ELAVL4: variants seen among roughly 807,000 people sequenced by gnomAD.
The protein encoded by ELAVL4 is ELAV-like protein 4.
In ELAVL4, 1 loss-of-function variant was observed where a neutral mutation model predicts 35.6. That is an observed-to-expected ratio of 0.03 (90% CI 0.01 to 0.13). The LOEUF is 0.13. ELAVL4 is among the 10% of genes least tolerant of loss of function. The probability of loss-of-function intolerance (pLI) is 1.00; values close to 1 mark genes in which losing one functional copy is unlikely to be tolerated. For missense variants in ELAVL4, 267 were observed against 464.9 expected, an observed-to-expected ratio of 0.57 and a Z score of 3.91; for synonymous variants, 156 against 171.0, an observed-to-expected ratio of 0.91 and a Z score of 0.69.
chr1:50,149,196 A>G (rs896871179), intron 2 of ELAVL4, among the ~76,000 whole-genome samples: 16 of 151,990 alleles, frequency 1.1e-4, no homozygotes, highest in African/African-American at 3.4e-4. Flanking sequence ...TCAGGAGTTT[A>G]AGACCAGCCT....
intron 1 of ELAVL4, among the ~76,000 whole-genome samples, chr1:50,061,870 C>T (rs1166583540): frequency 1.3e-5 from 2 of 152,132 alleles, no homozygotes; most frequent in Non-Finnish European, 2.9e-5. Flanking sequence ...CTTTCTTCAC[C>T]CTCCTCGCCC....
intron 1 of ELAVL4, among the ~76,000 whole-genome samples, chr1:50,082,003 A>G (rs1320978705): frequency 1.3e-5 from 2 of 152,202 alleles, no homozygotes; most frequent in East Asian, 3.8e-4. Flanking sequence ...TGCAAAGGAC[A>G]TGAACTCGTC....
intron 2 of ELAVL4, among the ~76,000 whole-genome samples, chr1:50,176,291 C>A (rs772110924): frequency 6.6e-6 from 1 of 152,186 alleles, no homozygotes. Flanking sequence ...CCAGTAGAAA[C>A]CCCCTCTCCT....
chr1:50,170,622 G>A (rs1490346984), intron 2 of ELAVL4, among the ~76,000 whole-genome samples: 1 of 152,188 alleles, frequency 6.6e-6, no homozygotes, highest in Non-Finnish European at 1.5e-5. Context: ...TGAGGATTTT[G>A]TGGAAGTACA....
intron 2 of ELAVL4, among the ~76,000 whole-genome samples, chr1:50,167,376 G>A (rs1367530982): frequency 4.6e-5 from 7 of 152,336 alleles, no homozygotes; most frequent in Middle Eastern, 6.8e-3. Flanking sequence ...AAGGCATTCC[G>A]TGAATCCATG....
intron 1 of ELAVL4, among the ~76,000 whole-genome samples, chr1:50,137,706 T>C (rs1672120082): frequency 6.6e-6 from 1 of 152,216 alleles, no homozygotes; most frequent in Admixed American, 6.5e-5. Flanking sequence ...AATAAATATT[T>C]ATTTGATTAG....
chr1:50,109,016 C>CGGGGCGG lies in ELAVL4; in HGVS notation c.-174_-173insGGGGCGG. 1.3e-5 allele frequency: 12 copies of CGGGGCGG among 905,558 alleles called. No homozygotes were observed. The highest frequency in any genetic ancestry group is 1.6e-5 in the Non-Finnish European group (12 of 761,188). 56.1% of individuals were successfully genotyped at this position (905,558 alleles called of 1,614,324 possible). Reference sequence around the variant, plus strand: ...CTCCTTTTCTTTTTTTTCTTTCTCTCCCCCGCCCACCCCCCCAAAAATAAT... The same window carrying CGGGGCGG: ...CTCCTTTTCTTTTTTTTCTTTCTCTCGGGGCGGCCCCGCCCACCCCCCCAAAAATAAT... On this transcript the variant is annotated 5_prime_UTR_variant, in exon 1 of 7. Transcript: ENST00000371824.
At chr1:50,140,106 G>T (rs1334922201) in intron 1 of ELAVL4, among the ~76,000 whole-genome samples, 1 of 152,156 alleles carries the variant, frequency 6.6e-6, no homozygotes, top group African/African-American at 2.4e-5. Flanking sequence ...GATCTATCCT[G>T]GATGCTGACT....
Position 50,109,015 on chromosome 1 carries a change from T to TGGGGGGGGGGGGGC in ELAVL4, c.-175_-174insGGGGGGGGGGGGGC. 1.0e-6 allele frequency: 1 copy of TGGGGGGGGGGGGGC among 961,070 alleles called. No individual in the cohort carries two copies. The highest frequency in any genetic ancestry group is 1.2e-6 in the Non-Finnish European group (1 of 816,952). 59.5% of individuals were successfully genotyped at this position (961,070 alleles called of 1,614,324 possible). A position where few individuals can be genotyped will look rare whatever the true frequency, so the allele number is the denominator to read the frequency against. ...GCTCCTTTTCTTTTTTTTCTTTCTC[T>TGGGGGGGGGGGGGC]CCCCCGCCCACCCCCCCAAAAATAA... On this transcript the variant is annotated 5_prime_UTR_variant, in exon 1 of 7. Transcript: ENST00000371824.
chr1:50,182,761 A>T (rs1037330252), intron 3 of ELAVL4, among the ~76,000 whole-genome samples: 1 of 152,182 alleles, frequency 6.6e-6, no homozygotes, highest in Non-Finnish European at 1.5e-5. Flanking sequence ...AAAGCAAAAC[A>T]TGCTTCTTTG....
At chr1:50,111,005 G>A (rs1006386576) in intron 1 of ELAVL4, among the ~76,000 whole-genome samples, 3 of 152,020 alleles carry the variant, frequency 2.0e-5, no homozygotes, top group Admixed American at 6.6e-5. Context: ...GATTATCTTT[G>A]CTGTTCTTTG....
intron 1 of ELAVL4, chr1:50,144,551 G>GA (rs1224606409): frequency 2.1e-6 from 1 of 482,188 alleles, no homozygotes; most frequent in African/African-American, 2.0e-5. Flanking sequence ...GATCTTGTGA[G>GA]TGTAGTCCTC....
chr1:50,188,175 C>A (rs1682118943), intron 3 of ELAVL4, among the ~76,000 whole-genome samples: 1 of 152,146 alleles, frequency 6.6e-6, no homozygotes, highest in Non-Finnish European at 1.5e-5. Flanking sequence ...GAAATGTATA[C>A]ATTGAATGGT....
intron 3 of ELAVL4, among the ~76,000 whole-genome samples, chr1:50,192,798 T>C (rs1214537253): frequency 6.6e-6 from 1 of 152,168 alleles, no homozygotes; most frequent in Non-Finnish European, 1.5e-5. Flanking sequence ...TCTGATGTTG[T>C]TTTCTTAAAA....
At position 50,197,493 on chromosome 1, in the gene ELAVL4, G is replaced by C. The variant is rs1644128128; in HGVS notation, c.773+26G>C. On this transcript the variant is annotated intron_variant, in intron 6 of 6. Coordinates refer to ENST00000371824, the MANE Select transcript of ELAVL4 (RefSeq NM_001144774.3). ...GTAATTAAAACTCCACAGATTGCCA[G>C]ATGTCCATGTTGGCACAGACTGGGG... 5 of 1,557,212 alleles carry C rather than the reference G, an allele frequency of 3.2e-6. No individual in the cohort carries two copies. In the East Asian group the frequency reaches 7.3e-5, roughly 23 times the overall value.
intron 2 of ELAVL4, among the ~76,000 whole-genome samples, chr1:50,148,075 C>A (rs1193102049): frequency 3.3e-5 from 5 of 152,210 alleles, no homozygotes; most frequent in Non-Finnish European, 7.3e-5. Flanking sequence ...TCAAGCACTT[C>A]ATCTGTGCTG....
chr1:50,196,505 C>T (rs1644069076), intron 5 of ELAVL4, among the ~76,000 whole-genome samples: 1 of 152,168 alleles, frequency 6.6e-6, no homozygotes, highest in Non-Finnish European at 1.5e-5. Context: ...AAATTCTAAA[C>T]AATTACTTTA....
Position 50,177,078 on chromosome 1 carries a change from T to C in ELAVL4, c.251-11T>C. On this transcript the variant is annotated splice_polypyrimidine_tract_variant and intron_variant, in intron 2 of 6. Coordinates refer to ENST00000371824, the MANE Select transcript of ELAVL4 (RefSeq NM_001144774.3). The stretch of plus-strand genomic sequence containing the variant: ...TCTCCCTTTCTCTCTCTCTTTTTAA[T>C]ATTTCCACAGGACAGAGTTTAGGGT... 1 of 1,606,548 alleles carries C rather than the reference T, an allele frequency of 6.2e-7. No individual in the cohort carries two copies. The highest frequency in any genetic ancestry group is 8.5e-7 in the Non-Finnish European group (1 of 1,173,486).
intron 1 of ELAVL4, among the ~76,000 whole-genome samples, chr1:50,090,942 G>A (rs1665466255): frequency 6.6e-6 from 1 of 152,170 alleles, no homozygotes; most frequent in Non-Finnish European, 1.5e-5. Context: ...GAAAAGTAGT[G>A]AATGAGCTCC....
Sources: gnomAD v4.1 joint callset for allele counts (sites outside exome capture counted in the v4.1 genomes callset) on GRCh38, gnomAD v4.1.1 for gene constraint, MANE v1.5 for transcripts, NCBI Gene and HGNC (gene_info 2026-07-23, HGNC 2026-07-21) for gene names.